The following PLD5 variants were observed in gnomAD, a reference collection of about 807,000 sequenced individuals.
PLD5 encodes the protein phospholipase D family member 5.
PLD5 carries 36 observed loss-of-function variants against 61.1 expected under a neutral mutation model. That is an observed-to-expected ratio of 0.59 (90% CI 0.45 to 0.78). PLD5 has a LOEUF of 0.78. PLD5 is among the 30% of genes least tolerant of loss of function. The pLI, the probability that PLD5 is intolerant of heterozygous loss-of-function variation, is 0.00. For synonymous variants in PLD5, 243 were observed against 242.8 expected, an observed-to-expected ratio of 1.00 and a Z score of -0.01; for missense variants, 515 against 644.4, an observed-to-expected ratio of 0.80 and a Z score of 2.17.
At chr1:242,255,633 G>A in intron 4 of PLD5, among the ~76,000 whole-genome samples, 1 of 152,148 alleles carries the variant, frequency 6.6e-6, no homozygotes, top group African/African-American at 2.4e-5. Context: ...CTCAGATTTA[G>A]GAATATATTT....
At chr1:242,519,230 A>G (rs2810005) in intron 1 of PLD5, among the ~76,000 whole-genome samples, 103,183 of 152,046 alleles carry the variant, frequency 0.68, 36,496 homozygotes, top group African/African-American at 0.87. Context: ...GACAAAAATG[A>G]CATTACATAA....
At chr1:242,090,486 C>T (rs1659735708) in intron 9 of PLD5, among the ~76,000 whole-genome samples, 1 of 152,202 alleles carries the variant, frequency 6.6e-6, no homozygotes, top group Non-Finnish European at 1.5e-5. Context: ...AAAGAGACAA[C>T]ATCTAATCCA....
chr1:242,514,602 A>G (rs925705496), intron 1 of PLD5, among the ~76,000 whole-genome samples: 3 of 152,220 alleles, frequency 2.0e-5, no homozygotes, highest in Non-Finnish European at 4.4e-5. Flanking sequence ...AAAGTTGAAA[A>G]AAGTCAAAAA....
At chr1:242,360,222 C>A (rs996920310) in intron 1 of PLD5, among the ~76,000 whole-genome samples, 1 of 152,074 alleles carries the variant, frequency 6.6e-6, no homozygotes, top group Non-Finnish European at 1.5e-5. Flanking sequence ...CCTAAAGTAT[C>A]ATCTAAAATA....
chr1:242,302,900 C>T (rs1355820011), intron 2 of PLD5, among the ~76,000 whole-genome samples: 14 of 151,964 alleles, frequency 9.2e-5, no homozygotes, highest in Non-Finnish European at 1.8e-4. Flanking sequence ...ATTTTTACCC[C>T]CTTACACTAT....
At chr1:242,397,778 CT>C (rs1379039820) in intron 1 of PLD5, among the ~76,000 whole-genome samples, 2 of 143,228 alleles carry the variant, frequency 1.4e-5, no homozygotes, top group Non-Finnish European at 3.0e-5. Context: ...TTTTCTTCTT[CT>C]TCTTCTTTTT....
Position 242,141,186 on chromosome 1 carries a change from A to G in PLD5, c.736-16521T>C, listed in dbSNP as rs1430331780. On this transcript the variant is annotated intron_variant, in intron 5 of 9. Coordinates refer to ENST00000536534, the MANE Select transcript of PLD5 (RefSeq NM_001372062.1). ...GTAGATCCAGATCTGAAGACGCAAC[A>G]CAGCCTAAGTTCTCCTTTCACTGCT... is the stretch of plus-strand genomic sequence containing the variant. 2.6e-5 allele frequency among the ~76,000 whole-genome samples: 4 copies of G among 152,284 alleles called. No homozygotes were observed. The East Asian group carries it at 7.7e-4, about 29-fold the overall frequency.
rs1471399214 is a variant in PLD5 at position 242,249,530 on chromosome 1, A to C, written c.607+15807T>G. On this transcript the variant is annotated intron_variant, in intron 4 of 9. Coordinates refer to ENST00000536534, the MANE Select transcript of PLD5 (RefSeq NM_001372062.1). ...AGTTAAAAGGGAGGGAGCAAAAAAC[A>C]ACCAGGGGGTAGTGAAACATTAATA... is the stretch of plus-strand genomic sequence containing the variant. Among the ~76,000 whole-genome samples the C allele has an allele frequency of 3.3e-5, 5 of 152,246 alleles. No homozygotes were observed. In the East Asian group the frequency reaches 9.6e-4, roughly 29 times the overall value.
At chr1:242,141,118 G>GT (rs1403826860) in intron 5 of PLD5, among the ~76,000 whole-genome samples, 1 of 152,134 alleles carries the variant, frequency 6.6e-6, no homozygotes, top group East Asian at 1.9e-4. Context: ...TGCCCACCCT[G>GT]AACAGCTGGC....
chr1:242,507,969 T>C (rs1411717734), intron 1 of PLD5, among the ~76,000 whole-genome samples: 4 of 148,316 alleles, frequency 2.7e-5, no homozygotes, highest in Non-Finnish European at 4.4e-5. Flanking sequence ...TTAAGTCGTT[T>C]TCTCAGTAAA....
intron 1 of PLD5, among the ~76,000 whole-genome samples, chr1:242,438,031 TG>T (rs1372019027): frequency 1.3e-5 from 2 of 152,182 alleles, no homozygotes; most frequent in African/African-American, 4.8e-5. Flanking sequence ...TTTACCTTTA[TG>T]GGAGTCTAAG....
chr1:242,189,583 C>T (rs374116791), intron 5 of PLD5, among the ~76,000 whole-genome samples: 39,718 of 151,414 alleles, frequency 0.26, 5,598 homozygotes, highest in South Asian at 0.39. Flanking sequence ...TACTATTGAA[C>T]AAGAAAGAGA....
At chr1:242,437,057 T>C (rs2810024) in intron 1 of PLD5, among the ~76,000 whole-genome samples, 81,585 of 151,936 alleles carry the variant, frequency 0.54, 22,379 homozygotes, top group African/African-American at 0.63. Context: ...GAGGTTTATA[T>C]GTGATCTCGA....
At chr1:242,318,475 T>C (rs1300514938) in intron 2 of PLD5, among the ~76,000 whole-genome samples, 1 of 152,182 alleles carries the variant, frequency 6.6e-6, no homozygotes, top group African/African-American at 2.4e-5. Flanking sequence ...AGGAGAGCTC[T>C]GTGACCAGCA....
chr1:242,429,675 C>A (rs1021731822), intron 1 of PLD5, among the ~76,000 whole-genome samples: 1 of 152,188 alleles, frequency 6.6e-6, no homozygotes, highest in Non-Finnish European at 1.5e-5. Context: ...TGAGTACATT[C>A]CCAGTGGCAT....
In PLD5 at chr1:242,418,535, G is replaced by A. The variant is rs187645650; in HGVS notation, c.190-70293C>T. On this transcript the variant is annotated intron_variant, in intron 1 of 9. Coordinates refer to ENST00000536534, the MANE Select transcript of PLD5 (RefSeq NM_001372062.1). ...AATAGTCAGACATCAGCACTACGAGGTAAAATCAGCAAAGGAGACCACAGC... is the reference window on the plus strand; with the variant it reads ...AATAGTCAGACATCAGCACTACGAGATAAAATCAGCAAAGGAGACCACAGC... Among the ~76,000 whole-genome samples, 459 of 152,170 alleles carry A rather than the reference G, an allele frequency of 3.0e-3. 6 individuals carry two copies. Among genetic ancestry groups the A allele is most frequent in the Admixed American group, 0.027 (408 of 15,272 alleles).
intron 5 of PLD5, 108 bp downstream of exon 5, chr1:242,219,880 T>G: frequency 7.2e-7 from 1 of 1,379,936 alleles, no homozygotes; most frequent in Admixed American, 2.0e-5. Flanking sequence ...CAGTTAAGAA[T>G]AATAAATGCT....
chr1:242,230,654 C>A (rs1329641824), intron 4 of PLD5, among the ~76,000 whole-genome samples: 2 of 152,110 alleles, frequency 1.3e-5, no homozygotes, highest in Admixed American at 1.3e-4. Flanking sequence ...TCGTTGCTTT[C>A]AAATAATTCA....
At chr1:242,145,588 A>G (rs796280260) in intron 5 of PLD5, among the ~76,000 whole-genome samples, 6 of 152,334 alleles carry the variant, frequency 3.9e-5, no homozygotes, top group African/African-American at 1.4e-4. Flanking sequence ...GTCATAGATG[A>G]TAAGAACTTT....
Sources: allele counts gnomAD v4.1 joint callset (sites outside exome capture counted in the v4.1 genomes callset), GRCh38; gene constraint gnomAD v4.1.1; transcripts MANE v1.5; gene names NCBI Gene and HGNC (gene_info 2026-07-23, HGNC 2026-07-21).